EVC2: variants seen among roughly 807,000 people sequenced by gnomAD.
The protein encoded by EVC2 is limbin.
Under a neutral mutation model 149.3 loss-of-function variants are expected in EVC2, and 148 were observed. That is an observed-to-expected ratio of 0.99 (90% CI 0.87 to 1.14). The LOEUF (loss-of-function observed/expected upper bound fraction) is 1.14, where lower values mean the gene tolerates loss of function less well. EVC2 is among the 50% of genes most tolerant of loss of function. The pLI is 0.00. For missense variants in EVC2, 1,854 were observed against 1,627.3 expected (o/e 1.14, Z -2.40); for synonymous variants, 776 against 649.9 (o/e 1.19, Z -2.95).
intron 16 of EVC2, among the ~76,000 whole-genome samples, chr4:5,596,608 G>C (rs1220259699): frequency 6.6e-6 from 1 of 152,054 alleles, no homozygotes; most frequent in Admixed American, 6.5e-5. Context: ...ACGCCCACAA[G>C]AGAAAGCAGG....
rs180730516 is a variant in EVC2, at chr4:5,585,422, G to T, written c.2830-572C>A. Among the ~76,000 whole-genome samples the T allele has an allele frequency of 2.0e-3, 301 of 152,264 alleles. No homozygotes were observed. The Middle Eastern group carries it at 0.024, about 12-fold the overall frequency. On this transcript the variant is annotated intron_variant, in intron 16 of 21. Coordinates refer to ENST00000344408, the MANE Select transcript of EVC2 (RefSeq NM_147127.5). ...TTGGGTCTATAGTTTCCACGGAAGC[G>T]GTCTCACTTCTCTATGTTTGTTTTG...
At chr4:5,601,566 G>A (rs1212449859) in intron 16 of EVC2, among the ~76,000 whole-genome samples, 2 of 150,130 alleles carry the variant, frequency 1.3e-5, no homozygotes, top group African/African-American at 4.9e-5. Flanking sequence ...GGAATCCCGA[G>A]AGTTCTAGAA....
chr4:5,636,120 A>T lies in EVC2; in HGVS notation c.1471-4088T>A, dbSNP rs192624678. 3.8e-3 allele frequency among the ~76,000 whole-genome samples: 578 copies of T among 152,290 alleles called. 3 individuals carry two copies. Among genetic ancestry groups the T allele is most frequent in the African/African-American group, 0.013 (557 of 41,548 alleles). On this transcript the variant is annotated intron_variant, in intron 10 of 21. Transcript: ENST00000344408. The surrounding 1 kb of genome is among the most constrained non-coding windows in gnomAD (Gnocchi z 4.6). ...CTCTAAGACCTCAGGCATCATGATT[A>T]TCCCTGTCTTAAGGATGGGGAAAGG... is the stretch of plus-strand genomic sequence containing the variant.
chr4:5,543,738 G>A (rs1721560795), intron 21 of EVC2, among the ~76,000 whole-genome samples: 1 of 152,098 alleles, frequency 6.6e-6, no homozygotes, highest in South Asian at 2.1e-4. Context: ...AGAGGTCAGG[G>A]GAACCGGAGA....
intron 17 of EVC2, 132 bp downstream of exon 17, chr4:5,584,491 G>T: frequency 2.1e-6 from 2 of 930,608 alleles, no homozygotes; most frequent in Non-Finnish European, 3.4e-6. Flanking sequence ...ATGTCACTTC[G>T]TTTAATCCTC....
At chr4:5,667,481 T>G (rs1478362355) in intron 7 of EVC2, among the ~76,000 whole-genome samples, 3 of 152,194 alleles carry the variant, frequency 2.0e-5, no homozygotes, top group African/African-American at 7.2e-5. Flanking sequence ...CTTCCTGTTT[T>G]CAATCCTGCT....
At position 5,694,330 on chromosome 4, in the gene EVC2, C is replaced by T. The variant is rs994519051; in HGVS notation, c.450+5G>A. ...TTGTGTTAAAGCATTGAACTTAATA[C>T]TTACCAGGCGGTGTGTTATAGGAGA... On this transcript the variant is annotated splice_donor_5th_base_variant and intron_variant, in intron 3 of 21. Coordinates refer to ENST00000344408, the MANE Select transcript of EVC2 (RefSeq NM_147127.5). The T allele has an allele frequency of 6.2e-7, 1 of 1,613,756 alleles. No individual in the cohort carries two copies. The highest frequency in any genetic ancestry group is 8.5e-7 in the Non-Finnish European group (1 of 1,179,864).
Position 5,633,425 on chromosome 4 carries a change from G to A in EVC2, c.1471-1393C>T, listed in dbSNP as rs934551394. On this transcript the variant is annotated intron_variant, in intron 10 of 21. Transcript: ENST00000344408. This position sits in a 1 kb window ranked among gnomAD's most constrained non-coding sequence, Gnocchi z 4.4. ...CAGGAATAGAAAACTGACACCCTCC[G>A]TTTTATAAGAGAAGAAACACAAGCT... Among the ~76,000 whole-genome samples, 19 of 152,192 alleles carry A rather than the reference G, an allele frequency of 1.2e-4. No homozygotes were observed. The highest frequency in any genetic ancestry group is 5.2e-4 in the Admixed American group (8 of 15,280).
chr4:5,562,376 TA>T (rs1241303570), downstream of EVC2: 19 of 904,636 alleles, frequency 2.1e-5, no homozygotes, highest in Non-Finnish European at 2.4e-5. The surrounding 1 kb of genome is among the most constrained non-coding windows in gnomAD (Gnocchi z 4.3). Flanking sequence ...GAACAAAACG[TA>T]AGACGTAATT....
Position 5,691,339 on chromosome 4 carries a change from AT to A in EVC2, c.451-7del, listed in dbSNP as rs1290670058. On this transcript the variant is annotated splice_polypyrimidine_tract_variant and splice_region_variant and intron_variant, in intron 3 of 21. Transcript: ENST00000344408. ...TCTCTTGAAATGTCCCCATACTACA[AT>A]AAAATGTAAAAGTTATTAGAAAATG... is the stretch of plus-strand genomic sequence containing the variant. The A allele has an allele frequency of 6.2e-6, 10 of 1,606,620 alleles. No individual in the cohort carries two copies. The Admixed American group carries it at 6.7e-5, about 11-fold the overall frequency.
In EVC2 at chr4:5,614,517, T is replaced by C. The variant is rs1715089276; in HGVS notation, c.2829+905A>G. Among the ~76,000 whole-genome samples the C allele has an allele frequency of 6.6e-6, 1 of 152,172 alleles. No individual in the cohort carries two copies. The highest frequency in any genetic ancestry group is 1.5e-5 in the Non-Finnish European group (1 of 68,036). On this transcript the variant is annotated intron_variant, in intron 16 of 21. Coordinates refer to ENST00000344408, the MANE Select transcript of EVC2 (RefSeq NM_147127.5). This position sits in a 1 kb window ranked among gnomAD's most constrained non-coding sequence, Gnocchi z 4.7. ...AGAATCTACGGTGTTCGGGTAAGGC[T>C]TCTTGGAAGGGGAGACATCCAAGAG...
intron 9 of EVC2, among the ~76,000 whole-genome samples, chr4:5,646,409 T>G (rs966716545): frequency 3.3e-5 from 5 of 152,106 alleles, no homozygotes; most frequent in African/African-American, 7.2e-5. Flanking sequence ...TTTTTTTTCC[T>G]TGGGAGACCG....
Position 5,596,598 on chromosome 4 carries a change from A to G in EVC2, c.2830-11748T>C, listed in dbSNP as rs191400703. On this transcript the variant is annotated intron_variant, in intron 16 of 21. Transcript: ENST00000344408. ...TGTAGAGGGAAACTTATAGCACTAA[A>G]CGCCCACAAGAGAAAGCAGGAAAGA... Among the ~76,000 whole-genome samples the G allele has an allele frequency of 6.1e-3, 922 of 152,298 alleles. 10 individuals carry two copies. Among genetic ancestry groups the G allele is most frequent in the African/African-American group, 0.021 (886 of 41,552 alleles).
In EVC2 at chr4:5,584,889, G is replaced by A. The variant is rs1335465905; in HGVS notation, c.2830-39C>T. On this transcript the variant is annotated intron_variant, in intron 16 of 21. Transcript: ENST00000344408. ...GGGATGGACCCAAACCCAGAGAGCA[G>A]TGAGTAGAGGAGGGTGGAGGAGAAC... 8 of 1,605,356 alleles carry A rather than the reference G, an allele frequency of 5.0e-6. No individual in the cohort carries two copies. The Admixed American group carries it at 8.3e-5, about 17-fold the overall frequency.
the EVC2 span, among the ~76,000 whole-genome samples, chr4:5,533,472 T>C: frequency 6.6e-6 from 1 of 152,090 alleles, no homozygotes; most frequent in Admixed American, 6.5e-5. Context: ...TTTCAGGGCA[T>C]AGAAAGGAAC....
intron 16 of EVC2, among the ~76,000 whole-genome samples, chr4:5,612,451 T>A (rs1714895029): frequency 6.6e-6 from 1 of 152,220 alleles, no homozygotes; most frequent in South Asian, 2.1e-4. Context: ...GAGATGGGTC[T>A]GCTGGTTCAG....
In EVC2 at chr4:5,576,781, G is replaced by C. The variant is rs1459677232; in HGVS notation, c.3058-327C>G. On this transcript the variant is annotated intron_variant, in intron 17 of 21. Transcript: ENST00000344408. This position sits in a 1 kb window ranked among gnomAD's most constrained non-coding sequence, Gnocchi z 4.5. ...CAGCGAAAGGATCCCTGAGTTCCTT[G>C]GGAGACACAGATGCCCTCTCCTCAT... Among the ~76,000 whole-genome samples the C allele has an allele frequency of 1.3e-5, 2 of 152,144 alleles. No homozygotes were observed. The highest frequency in any genetic ancestry group is 2.9e-5 in the Non-Finnish European group (2 of 68,024).
At chr4:5,586,418 C>A (rs1472764515) in intron 16 of EVC2, among the ~76,000 whole-genome samples, 1 of 152,154 alleles carries the variant, frequency 6.6e-6, no homozygotes, top group Non-Finnish European at 1.5e-5. Context: ...CCCCCCTCAA[C>A]CATCTGAATG....
chr4:5,645,095 C>A (rs1239143187), intron 9 of EVC2, among the ~76,000 whole-genome samples: 2 of 152,064 alleles, frequency 1.3e-5, no homozygotes, highest in East Asian at 3.9e-4. Context: ...TTTGAGGATT[C>A]CCCCATAATG....
Sources: gnomAD v4.1 joint callset for allele counts (sites outside exome capture counted in the v4.1 genomes callset) on GRCh38, gnomAD v4.1.1 for gene constraint, Gnocchi (gnomAD v3.1) non-coding constraint, MANE v1.5 for transcripts, NCBI Gene and HGNC (gene_info 2026-07-23, HGNC 2026-07-21) for gene names.